DNAH5: variants seen among roughly 807,000 people sequenced by gnomAD.
DNAH5 encodes the protein axonemal beta dynein heavy chain 5.
Under a neutral mutation model 518.2 loss-of-function variants are expected in DNAH5, and 372 were observed. That is an observed-to-expected ratio of 0.72 (90% CI 0.66 to 0.78). The LOEUF (loss-of-function observed/expected upper bound fraction) is 0.78. DNAH5 is among the 30% of genes least tolerant of loss of function. The pLI is 0.00. For synonymous variants in DNAH5, 2,039 were observed against 2,025.9 expected (o/e 1.01, Z -0.17); for missense variants, 5,523 against 5,687.0 (o/e 0.97, Z 0.93).
chr5:13,741,271 C>T (rs1748491346), intron 65 of DNAH5, among the ~76,000 whole-genome samples: 1 of 152,172 alleles, frequency 6.6e-6, no homozygotes, highest in Non-Finnish European at 1.5e-5. Context: ...GGTAAGACCC[C>T]ACCAGACTCA....
At chr5:13,732,935 T>C (rs772396283) in intron 68 of DNAH5, among the ~76,000 whole-genome samples, 6 of 152,158 alleles carry the variant, frequency 3.9e-5, no homozygotes, top group Non-Finnish European at 8.8e-5. Flanking sequence ...ATTTGCAACA[T>C]AATCCTGCTC....
At chr5:13,766,471 T>C (rs1752529569) in intron 58 of DNAH5, among the ~76,000 whole-genome samples, 1 of 152,178 alleles carries the variant, frequency 6.6e-6, no homozygotes, top group Non-Finnish European at 1.5e-5. Flanking sequence ...AAGAAAGGCA[T>C]AATCTGAAAG....
chr5:13,741,807 T>C (rs767447392), intron 65 of DNAH5, among the ~76,000 whole-genome samples: 5 of 152,150 alleles, frequency 3.3e-5, no homozygotes, highest in Non-Finnish European at 7.4e-5. Flanking sequence ...GGAAGACATA[T>C]GTTTGAATTA....
At chr5:13,831,123 C>T (rs1392367480) in intron 35 of DNAH5, among the ~76,000 whole-genome samples, 4 of 152,128 alleles carry the variant, frequency 2.6e-5, no homozygotes, top group Non-Finnish European at 4.4e-5. Context: ...GCAACATTTT[C>T]GCAGAAATCT....
intron 65 of DNAH5, among the ~76,000 whole-genome samples, chr5:13,739,186 G>A (rs1748028785): frequency 6.6e-6 from 1 of 152,066 alleles, no homozygotes; most frequent in Admixed American, 6.5e-5. Context: ...TAGGTGATAT[G>A]GTTTGGCTCT....
chr5:13,873,554 T>C (rs1026720767), intron 22 of DNAH5, among the ~76,000 whole-genome samples: 8 of 152,180 alleles, frequency 5.3e-5, no homozygotes, highest in African/African-American at 1.9e-4. Context: ...AACTTAACTC[T>C]TGTTGGGCCA....
Position 13,882,788 on chromosome 5 carries a change from C to T in DNAH5, c.3202G>A (p.Ala1068Thr), listed in dbSNP as rs200249508. Residue 1068 changes from alanine (A) to threonine (T), a missense_variant, in exon 21 of 79, where the codon GCT becomes ACT. Ala to Thr is a moderately conservative substitution (Grantham distance 58). Coordinates refer to ENST00000265104, the MANE Select transcript of DNAH5 (RefSeq NM_001369.3). ...KKKIQERKMA[A>T]LQSNEDSDSD... ...TCACTGTCTTCATTACTCTGCAAAG[C>T]AGCCATTTTTCTTTCTTGTATCTTT... The T allele has an allele frequency of 6.2e-7, 1 of 1,614,070 alleles. No individual in the cohort carries two copies. Among genetic ancestry groups the T allele is most frequent in the Non-Finnish European group, 8.5e-7 (1 of 1,179,930 alleles).
At chr5:13,696,135 TA>T (rs989591722) in intron 78 of DNAH5, among the ~76,000 whole-genome samples, 2 of 152,184 alleles carry the variant, frequency 1.3e-5, no homozygotes, top group African/African-American at 4.8e-5. Flanking sequence ...TAGCAGGAAA[TA>T]ACCGTTGAGA....
intron 32 of DNAH5, among the ~76,000 whole-genome samples, chr5:13,842,748 T>C (rs1420687770): frequency 8.6e-5 from 13 of 152,040 alleles, no homozygotes; most frequent in Admixed American, 8.5e-4. Flanking sequence ...CTTTCCAAGG[T>C]CCTGAATATG....
chr5:13,784,381 G>A (rs939282140), intron 52 of DNAH5, among the ~76,000 whole-genome samples: 16 of 152,068 alleles, frequency 1.1e-4, no homozygotes, highest in African/African-American at 3.4e-4. Context: ...GTTGGCTTTG[G>A]AAGAATATTT....
chr5:13,958,485 T>A (rs1280252024), intron 1 of DNAH5, among the ~76,000 whole-genome samples: 2 of 152,280 alleles, frequency 1.3e-5, no homozygotes, highest in African/African-American at 2.4e-5. Context: ...TTTCTTTCCA[T>A]TGATTTTATT....
chr5:13,770,420 C>T (rs575375708), intron 56 of DNAH5, among the ~76,000 whole-genome samples: 1 of 152,160 alleles, frequency 6.6e-6, no homozygotes, highest in African/African-American at 2.4e-5. Context: ...TATTATAGAA[C>T]GCAGTAGGCC....
At chr5:13,955,775 G>A (rs915417944) in intron 1 of DNAH5, among the ~76,000 whole-genome samples, 3 of 152,002 alleles carry the variant, frequency 2.0e-5, no homozygotes, top group East Asian at 1.9e-4. Flanking sequence ...TTTGTCCTAC[G>A]GAAGGTTTTC....
chr5:13,989,700 A>G (rs577965089), intron 1 of DNAH5, among the ~76,000 whole-genome samples: 3 of 151,936 alleles, frequency 2.0e-5, no homozygotes, highest in Non-Finnish European at 4.4e-5. Flanking sequence ...AGCCAGGATG[A>G]TCTCGATCTC....
intron 53 of DNAH5, among the ~76,000 whole-genome samples, chr5:13,778,441 G>A (rs893817796): frequency 7.7e-6 from 1 of 129,498 alleles, no homozygotes; most frequent in African/African-American, 2.9e-5. Context: ...ATTAGAAGAT[G>A]CAGCCTCTAG....
chr5:13,984,731 A>G (rs1027095269), intron 1 of DNAH5, among the ~76,000 whole-genome samples: 3 of 152,230 alleles, frequency 2.0e-5, no homozygotes, highest in Non-Finnish European at 4.4e-5. Context: ...GAGAGTTTTT[A>G]GCATGAATGG....
intron 1 of DNAH5, among the ~76,000 whole-genome samples, chr5:13,984,098 AG>A (rs1782867689): frequency 1.3e-5 from 2 of 152,094 alleles, no homozygotes; most frequent in African/African-American, 4.8e-5. Flanking sequence ...CAAGCAGGAG[AG>A]GGGGGCAGAG....
intron 1 of DNAH5, among the ~76,000 whole-genome samples, chr5:13,981,345 T>A (rs1376312807): frequency 6.6e-6 from 1 of 152,230 alleles, no homozygotes; most frequent in Non-Finnish European, 1.5e-5. Flanking sequence ...TTGTTCACAC[T>A]TGTGCCCCAG....
Position 13,891,039 on chromosome 5 carries a change from C to T in DNAH5, c.2514G>A (p.Thr838=), listed in dbSNP as rs1403119826. Residue 838 remains threonine, a synonymous_variant, in exon 17 of 79, where the codon ACG becomes ACA. Transcript: ENST00000265104. ...CCTCCTGGGGAAGCTGACAAAGAGG[C>T]GTGCTGCTCATTTCTTCTAGAATGG... The part of the protein sequence containing the change: ...IDAILEEMSS[T]PLCQLPQEEP... 1.9e-5 allele frequency: 30 copies of T among 1,613,994 alleles called. No homozygotes were observed. The highest frequency in any genetic ancestry group is 2.7e-5 in the African/African-American group (2 of 74,914).
Sources: gnomAD v4.1 joint callset for allele counts (sites outside exome capture counted in the v4.1 genomes callset) on GRCh38, gnomAD v4.1.1 for gene constraint, MANE v1.5 for transcripts, NCBI Gene and HGNC (gene_info 2026-07-23, HGNC 2026-07-21) for gene names.